Variants in TSPAN16 observed in about 807,000 individuals in gnomAD.
The protein encoded by TSPAN16 is tetraspanin-16.
A neutral mutation model predicts 25.2 loss-of-function variants in TSPAN16; 23 were observed. The observed-to-expected ratio is 0.91, with a 90% confidence interval of 0.66 to 1.29. The LOEUF (loss-of-function observed/expected upper bound fraction) is 1.29. TSPAN16 is among the 50% of genes most tolerant of loss of function. The pLI, the probability that TSPAN16 is intolerant of heterozygous loss-of-function variation, is 0.00. For missense variants in TSPAN16, 272 were observed against 299.9 expected (o/e 0.91, Z 0.69); for synonymous variants, 123 against 124.4 (o/e 0.99, Z 0.08).
At chr19:11,306,561 T>C (rs2080628452) in intron 4 of TSPAN16, 43 bp from the exon 5 acceptor site, 3 of 1,609,986 alleles carry the variant, frequency 1.9e-6, no homozygotes, top group Non-Finnish European at 2.5e-6. Flanking sequence ...ATGTTTTTAT[T>C]ATTTGAAAGG....
chr19:11,302,636 CACAT>C (rs1268356207), intron 4 of TSPAN16, among the ~76,000 whole-genome samples: 10 of 136,976 alleles, frequency 7.3e-5, no homozygotes, highest in East Asian at 2.0e-4. Flanking sequence ...TATATATACA[CACAT>C]ACATATATAT....
At position 11,301,558 on chromosome 19, in the gene TSPAN16, C is replaced by T. The variant is rs148125645; in HGVS notation, c.450+250C>T. Among the ~76,000 whole-genome samples the T allele has an allele frequency of 3.3e-3, 497 of 151,238 alleles. 3 individuals are homozygous for T. Among genetic ancestry groups the T allele is most frequent in the African/African-American group, 0.011 (473 of 41,204 alleles). ...AGGAGGCTGAGGCAGGAGAATAGCT[C>T]GAACCCAGGAGGTAGAGGTTGCAGT... On this transcript the variant is annotated intron_variant, in intron 4 of 6. Transcript: ENST00000590327.
intron 6 of TSPAN16, among the ~76,000 whole-genome samples, chr19:11,314,589 C>G (rs2080725924): frequency 6.6e-6 from 1 of 152,000 alleles, no homozygotes; most frequent in Non-Finnish European, 1.5e-5. Context: ...CCTTCCTCCC[C>G]AAGGATCCCA....
intron 5 of TSPAN16, among the ~76,000 whole-genome samples, 195 bp from the exon 6 acceptor site, chr19:11,311,944 C>A (rs536010140): frequency 1.3e-5 from 2 of 152,158 alleles, no homozygotes; most frequent in South Asian, 4.1e-4. Flanking sequence ...ATGAGGAGGA[C>A]AGGGAAGATG....
downstream of TSPAN16, among the ~76,000 whole-genome samples, chr19:11,320,209 C>A (rs1387555421): frequency 6.6e-6 from 1 of 150,954 alleles, no homozygotes; most frequent in African/African-American, 2.5e-5. Flanking sequence ...CCAACTTCTG[C>A]CCCACTTGTT....
At chr19:11,326,290 A>G (rs1374992671) in intron 6 of TSPAN16, among the ~76,000 whole-genome samples, 1 of 151,874 alleles carries the variant, frequency 6.6e-6, no homozygotes, top group African/African-American at 2.4e-5. Flanking sequence ...TTAAGGCAGG[A>G]GAATGGTTTG....
chr19:11,324,142 C>T (rs1467747424), intron 6 of TSPAN16: 1 of 152,196 alleles, frequency 6.6e-6, no homozygotes, highest in Non-Finnish European at 1.5e-5. Context: ...TACCTCCTCA[C>T]CCCTTCCGCC....
At chr19:11,325,613 C>T (rs759980163) in intron 6 of TSPAN16, 12 of 1,449,412 alleles carry the variant, frequency 8.3e-6, no homozygotes, top group South Asian at 5.8e-5. Context: ...TGGGGACACT[C>T]GTAAGACCCC....
intron 5 of TSPAN16, among the ~76,000 whole-genome samples, chr19:11,309,445 G>A (rs1378388950): frequency 1.3e-5 from 2 of 152,092 alleles, no homozygotes; most frequent in Admixed American, 6.5e-5. Flanking sequence ...TGGCCTCCTC[G>A]CTACTGCTCA....
At chr19:11,307,277 G>A (rs1292253778) in intron 5 of TSPAN16, among the ~76,000 whole-genome samples, 2 of 148,470 alleles carry the variant, frequency 1.3e-5, no homozygotes, top group Admixed American at 6.8e-5. Context: ...GTGCCACCAC[G>A]CCCGGCTGAT....
downstream of TSPAN16, among the ~76,000 whole-genome samples, chr19:11,316,275 T>C (rs886151711): frequency 5.3e-5 from 8 of 152,014 alleles, no homozygotes; most frequent in Non-Finnish European, 1.2e-4. Context: ...CTCGCTACCA[T>C]GCCCAGCTAA....
At chr19:11,314,063 T>C (rs1341948661) in intron 6 of TSPAN16, among the ~76,000 whole-genome samples, 1 of 152,182 alleles carries the variant, frequency 6.6e-6, no homozygotes, top group Admixed American at 6.6e-5. Context: ...GGATGACCCA[T>C]ATCAACATCA....
intron 5 of TSPAN16, 68 bp from the exon 6 acceptor site, chr19:11,312,071 G>T (rs1599344401): frequency 8.0e-7 from 1 of 1,251,596 alleles, no homozygotes; most frequent in East Asian, 2.4e-5. Flanking sequence ...ATGAGTTGGG[G>T]TTGATGGGGA....
At chr19:11,325,222 T>C (rs929528868) in intron 6 of TSPAN16, 8 of 565,774 alleles carry the variant, frequency 1.4e-5, no homozygotes, top group Non-Finnish European at 1.9e-5. Context: ...CGGGGCTGCC[T>C]GAGGAACCTG....
Position 11,315,832 on chromosome 19 carries a change from G to T in TSPAN16, c.729G>T (p.Leu243=). The T allele has an allele frequency of 8.1e-7, 1 of 1,231,922 alleles. No homozygotes were observed. Among genetic ancestry groups the T allele is most frequent in the Non-Finnish European group, 1.0e-6 (1 of 987,860 alleles). 76.3% of individuals were successfully genotyped at this position (1,231,922 alleles called of 1,614,324 possible). The change falls in exon 7 of 7, where the codon CTG becomes CTT. Residue 243 remains leucine (L), a synonymous_variant. Coordinates refer to ENST00000590327, the MANE Select transcript of TSPAN16 (RefSeq NM_001282509.2). ...CCACTTTGCTGCTGTTTATCAAGCT[G>T]GGCTGACACCCAGGCCTGGAGAAGA... The part of the protein sequence containing the change: ...ILATLLLFIK[L]G
chr19:11,298,896 CTCA>C lies in TSPAN16; in HGVS notation c.297_299del (p.Ile99del). 1.2e-6 allele frequency: 2 copies of C among 1,614,110 alleles called. No homozygotes were observed. The highest frequency in any genetic ancestry group is 1.3e-5 in the African/African-American group (1 of 75,040). Reference sequence around the variant, plus strand: ...GTGCATCCTGTCAATGGTTATTGTCCTCATCATGGAAGTTACAGCTGCCACAGT... The same window carrying C: ...GTGCATCCTGTCAATGGTTATTGTCCTCATGGAAGTTACAGCTGCCACAGT... On this transcript the variant is annotated inframe_deletion, in exon 3 of 7. Transcript: ENST00000590327.
At chr19:11,325,506 G>A (rs368141695) in intron 6 of TSPAN16, 107 of 1,613,504 alleles carry the variant, frequency 6.6e-5, no homozygotes, top group Middle Eastern at 4.9e-4. Context: ...TCATCTTCTC[G>A]CAGATGACAT....
intron 2 of TSPAN16, 65 bp downstream of exon 2, chr19:11,298,404 G>A (rs2080504181): frequency 5.3e-6 from 8 of 1,513,678 alleles, no homozygotes; most frequent in South Asian, 2.4e-5. Context: ...TTTATTGTGC[G>A]TGTTGCAAAC....
At chr19:11,318,054 T>A (rs2080757915), downstream of TSPAN16, among the ~76,000 whole-genome samples, 1 of 151,700 alleles carries the variant, frequency 6.6e-6, no homozygotes, top group Admixed American at 6.6e-5. Flanking sequence ...TGAGACAGAG[T>A]CTCGCTCTGT....
Sources: allele counts gnomAD v4.1 joint callset (sites outside exome capture counted in the v4.1 genomes callset), GRCh38; gene constraint gnomAD v4.1.1; transcripts MANE v1.5; gene names NCBI Gene and HGNC (gene_info 2026-07-23, HGNC 2026-07-21).